The following CSMD1 variants were observed in gnomAD, a reference collection of about 807,000 sequenced individuals.
CSMD1 encodes CUB and Sushi multiple domains 1.
In CSMD1, 213 loss-of-function variants were observed where a neutral mutation model predicts 417.5. That is an observed-to-expected ratio of 0.51 (90% CI 0.46 to 0.57). The LOEUF (loss-of-function observed/expected upper bound fraction) is 0.57, where lower values mean the gene tolerates loss of function less well. Among genes scored for constraint, CSMD1 ranks in the 20% least tolerant of loss-of-function variants. CSMD1 has a pLI of 0.00. For synonymous variants in CSMD1, 2,862 were observed against 1,736.8 expected (o/e 1.65, Z -16.11); for missense variants, 6,923 against 4,529.7 (o/e 1.53, Z -15.17).
At chr8:3,621,877 G>A (rs1314393950) in intron 7 of CSMD1, among the ~76,000 whole-genome samples, 1 of 151,872 alleles carries the variant, frequency 6.6e-6, no homozygotes, top group Non-Finnish European at 1.5e-5. Context: ...CCAAAGTGCT[G>A]GAATTACAGT....
chr8:4,078,067 G>C (rs897422183), intron 3 of CSMD1, among the ~76,000 whole-genome samples: 1 of 152,068 alleles, frequency 6.6e-6, no homozygotes, highest in African/African-American at 2.4e-5. Flanking sequence ...AAATATGTTT[G>C]TAAGAAATGC....
chr8:4,633,121 T>A (rs1802620402), intron 2 of CSMD1, among the ~76,000 whole-genome samples: 1 of 152,150 alleles, frequency 6.6e-6, no homozygotes, highest in South Asian at 2.1e-4. Flanking sequence ...CAGGAAAGGA[T>A]CGTGCATTGG....
chr8:4,587,441 G>T (rs1020827014), intron 2 of CSMD1, among the ~76,000 whole-genome samples: 1 of 134,630 alleles, frequency 7.4e-6, no homozygotes, highest in African/African-American at 3.0e-5. Flanking sequence ...GGATATATAT[G>T]TATATGTACA....
intron 12 of CSMD1, among the ~76,000 whole-genome samples, chr8:3,453,030 C>A (rs927102385): frequency 6.6e-6 from 1 of 152,140 alleles, no homozygotes; most frequent in Non-Finnish European, 1.5e-5. Flanking sequence ...TCAACTTCTT[C>A]CTGGTTTAGT....
chr8:4,879,243 C>T (rs1169010633), intron 1 of CSMD1, among the ~76,000 whole-genome samples: 2 of 151,662 alleles, frequency 1.3e-5, no homozygotes, highest in Non-Finnish European at 2.9e-5. Flanking sequence ...GACATCAACT[C>T]GAGGAAAGGT....
At chr8:3,736,803 T>A (rs1218808432) in intron 6 of CSMD1, among the ~76,000 whole-genome samples, 1 of 152,210 alleles carries the variant, frequency 6.6e-6, no homozygotes, top group African/African-American at 2.4e-5. Flanking sequence ...GGGAGTGGCA[T>A]AAATAGGCCC....
chr8:3,849,592 A>T (rs1803748164), intron 5 of CSMD1, among the ~76,000 whole-genome samples: 1 of 152,150 alleles, frequency 6.6e-6, no homozygotes. Context: ...CCACATGGGA[A>T]AAGAACAGTG....
chr8:4,364,194 T>A (rs1193941163), intron 3 of CSMD1, among the ~76,000 whole-genome samples: 2 of 152,102 alleles, frequency 1.3e-5, no homozygotes, highest in Admixed American at 1.3e-4. Flanking sequence ...CACAAAAATT[T>A]AAAAAATAAG....
chr8:3,571,110 G>T (rs556591685), intron 10 of CSMD1, among the ~76,000 whole-genome samples: 9 of 152,200 alleles, frequency 5.9e-5, no homozygotes, highest in Non-Finnish European at 8.8e-5. Context: ...CTTACAGGTG[G>T]AAGATCATTC....
At chr8:3,860,719 C>T (rs151152856) in intron 5 of CSMD1, among the ~76,000 whole-genome samples, 16 of 152,194 alleles carry the variant, frequency 1.1e-4, no homozygotes, top group African/African-American at 2.6e-4. Context: ...ATGCAATACA[C>T]GCTAATAGCA....
At chr8:4,692,613 C>T (rs1485872786) in intron 1 of CSMD1, among the ~76,000 whole-genome samples, 4 of 152,176 alleles carry the variant, frequency 2.6e-5, no homozygotes, top group Non-Finnish European at 5.9e-5. Flanking sequence ...CAGGCAAAGC[C>T]ATGTGGGGTC....
chr8:2,997,501 G>C (rs1358074489), intron 54 of CSMD1, among the ~76,000 whole-genome samples: 1 of 152,188 alleles, frequency 6.6e-6, no homozygotes, highest in Non-Finnish European at 1.5e-5. Flanking sequence ...TGTTGTAATG[G>C]AAAGTAATTG....
chr8:3,402,842 C>G (rs1812122455), intron 15 of CSMD1, among the ~76,000 whole-genome samples: 1 of 151,838 alleles, frequency 6.6e-6, no homozygotes, highest in South Asian at 2.1e-4. Flanking sequence ...TTTTTTCTAA[C>G]TTTTTAATCT....
intron 1 of CSMD1, among the ~76,000 whole-genome samples, chr8:4,696,187 T>C (rs971995202): frequency 6.6e-6 from 1 of 152,210 alleles, no homozygotes; most frequent in Non-Finnish European, 1.5e-5. Context: ...CCAGTGCACA[T>C]GTATGCATAT....
chr8:3,600,779 G>A (rs977222668), intron 8 of CSMD1, among the ~76,000 whole-genome samples: 6 of 151,978 alleles, frequency 3.9e-5, no homozygotes, highest in Non-Finnish European at 8.8e-5. Context: ...AGCAGTCATT[G>A]TTCTTCCATG....
intron 5 of CSMD1, among the ~76,000 whole-genome samples, chr8:3,757,265 A>T (rs912800149): frequency 1.3e-5 from 2 of 152,186 alleles, no homozygotes; most frequent in Admixed American, 6.5e-5. Context: ...ATTTCTGTAA[A>T]GGGCCAGGGA....
chr8:4,410,475 A>C (rs938862824), intron 3 of CSMD1, among the ~76,000 whole-genome samples: 2 of 152,320 alleles, frequency 1.3e-5, no homozygotes, highest in African/African-American at 4.8e-5. Flanking sequence ...ATGGTGTTTA[A>C]ATAGAAAGTC....
intron 23 of CSMD1, among the ~76,000 whole-genome samples, chr8:3,311,102 C>G (rs779361906): frequency 3.1e-4 from 47 of 152,116 alleles, no homozygotes; most frequent in Non-Finnish European, 5.6e-4. Context: ...ACCTAACTAA[C>G]TTTCCAAATG....
chr8:3,625,896 G>T (rs968628473), intron 7 of CSMD1, among the ~76,000 whole-genome samples: 3 of 152,066 alleles, frequency 2.0e-5, no homozygotes, highest in Non-Finnish European at 4.4e-5. Context: ...CTTTCCAACT[G>T]ATATATCACG....
Sources: gnomAD v4.1 joint callset for allele counts (sites outside exome capture counted in the v4.1 genomes callset) on GRCh38, gnomAD v4.1.1 for gene constraint, MANE v1.5 for transcripts, NCBI Gene and HGNC (gene_info 2026-07-23, HGNC 2026-07-21) for gene names.